Variants in MCTP2 observed in about 807,000 individuals in gnomAD.
The protein encoded by MCTP2 is multiple C2 and transmembrane domain-containing protein 2.
MCTP2 carries 132 observed loss-of-function variants against 111.6 expected under a neutral mutation model. The ratio of observed to expected loss-of-function variants is 1.18; its 90% CI spans 1.03 to 1.37. The LOEUF (loss-of-function observed/expected upper bound fraction) is 1.37, where lower values mean the gene tolerates loss of function less well. Ranked by LOEUF, MCTP2 falls within the 40% of genes most tolerant of loss-of-function variation. The pLI, the probability that MCTP2 is intolerant of heterozygous loss-of-function variation, is 0.00. For missense variants in MCTP2, 1,183 were observed against 1,067.9 expected (o/e 1.11, Z -1.50); for synonymous variants, 395 against 387.7 (o/e 1.02, Z -0.22).
intron 20 of MCTP2, among the ~76,000 whole-genome samples, chr15:94,460,891 G>A (rs1425185201): frequency 6.6e-6 from 1 of 152,234 alleles, no homozygotes; most frequent in Non-Finnish European, 1.5e-5. Flanking sequence ...GGGATGTCGT[G>A]TGTAATTCTG....
chr15:94,329,201 T>TTAC (rs1423860349), intron 4 of MCTP2, among the ~76,000 whole-genome samples: 1 of 152,164 alleles, frequency 6.6e-6, no homozygotes, highest in African/African-American at 2.4e-5. Flanking sequence ...TTTTGTAAAA[T>TTAC]TACTGTAGTT....
chr15:94,421,960 T>G (rs777300674), intron 17 of MCTP2, among the ~76,000 whole-genome samples: 6 of 152,148 alleles, frequency 3.9e-5, no homozygotes, highest in Non-Finnish European at 7.3e-5. Flanking sequence ...TAAAGCAAGC[T>G]CTGGTTTCTT....
chr15:94,311,017 T>A (rs2076104076), intron 2 of MCTP2, among the ~76,000 whole-genome samples: 1 of 101,900 alleles, frequency 9.8e-6, no homozygotes, highest in Non-Finnish European at 1.7e-5. Context: ...GGAACTTTCC[T>A]TTTTTTTTTT....
chr15:94,292,104 G>GA (rs1289546079), intron 1 of MCTP2, among the ~76,000 whole-genome samples: 1 of 152,132 alleles, frequency 6.6e-6, no homozygotes, highest in Non-Finnish European at 1.5e-5. Flanking sequence ...GACAAGAGTA[G>GA]AAATGTATGA....
At chr15:94,325,421 C>A (rs2076817756) in intron 4 of MCTP2, among the ~76,000 whole-genome samples, 1 of 152,134 alleles carries the variant, frequency 6.6e-6, no homozygotes, top group Admixed American at 6.5e-5. Context: ...ACAGGAATGA[C>A]TTTGTGATTT....
chr15:94,276,189 T>G (rs527750228), intron 1 of MCTP2, among the ~76,000 whole-genome samples: 1 of 152,182 alleles, frequency 6.6e-6, no homozygotes, highest in Non-Finnish European at 1.5e-5. Context: ...ATTAATTCTT[T>G]GTATTCTATG....
chr15:94,312,442 T>A (rs2076187637), intron 2 of MCTP2, among the ~76,000 whole-genome samples: 1 of 152,214 alleles, frequency 6.6e-6, no homozygotes. Flanking sequence ...GTAGCCTCTT[T>A]TCTTGTCTGT....
Position 94,442,907 on chromosome 15 carries a change from A to G in MCTP2, c.2209-12A>G. On this transcript the variant is annotated splice_polypyrimidine_tract_variant and intron_variant, in intron 18 of 22. Transcript: ENST00000357742. ...GTTGATGTTTCTATAAACACGTGGG[A>G]TTTCCTTTCAGGAGAGCACAGACAT... 1 of 1,612,626 alleles carries G rather than the reference A, an allele frequency of 6.2e-7. No homozygotes were observed. Among genetic ancestry groups the G allele is most frequent in the Non-Finnish European group, 8.5e-7 (1 of 1,179,052 alleles).
chr15:94,326,541 A>G (rs1381233692), intron 4 of MCTP2, among the ~76,000 whole-genome samples: 1 of 151,314 alleles, frequency 6.6e-6, no homozygotes, highest in African/African-American at 2.4e-5. Context: ...TTTGTTTCTC[A>G]CCTACCTTGT....
intron 2 of MCTP2, among the ~76,000 whole-genome samples, chr15:94,304,501 C>T (rs538434467): frequency 6.6e-6 from 1 of 152,302 alleles, no homozygotes; most frequent in Admixed American, 6.5e-5. Flanking sequence ...GCTCATTCTT[C>T]ATTTTTGTCA....
At chr15:94,283,980 A>G (rs2074625488) in intron 1 of MCTP2, among the ~76,000 whole-genome samples, 1 of 152,224 alleles carries the variant, frequency 6.6e-6, no homozygotes, top group Non-Finnish European at 1.5e-5. Context: ...TGGCAAATAT[A>G]TAGCTTGCAA....
intron 2 of MCTP2, among the ~76,000 whole-genome samples, chr15:94,302,796 C>T (rs766113954): frequency 5.9e-5 from 9 of 152,066 alleles, no homozygotes; most frequent in Non-Finnish European, 8.8e-5. Context: ...GGTCTTTTGT[C>T]GTCTCACATG....
intron 1 of MCTP2, among the ~76,000 whole-genome samples, chr15:94,264,375 G>A (rs533805182): frequency 3.3e-5 from 5 of 152,066 alleles, no homozygotes; most frequent in African/African-American, 7.2e-5. Flanking sequence ...TTGGGAGGCC[G>A]AGGCGGGTGG....
At chr15:94,258,763 C>G (rs1249282545) in intron 1 of MCTP2, among the ~76,000 whole-genome samples, 7 of 152,100 alleles carry the variant, frequency 4.6e-5, no homozygotes, top group Non-Finnish European at 8.8e-5. Flanking sequence ...TAGTTATTGC[C>G]TAAAGGGAGA....
intron 1 of MCTP2, among the ~76,000 whole-genome samples, chr15:94,243,834 T>C (rs553176715): frequency 1.1e-4 from 16 of 148,154 alleles, no homozygotes; most frequent in African/African-American, 3.9e-4. Context: ...CATATGTATA[T>C]ATTTATGTAC....
intron 1 of MCTP2, among the ~76,000 whole-genome samples, chr15:94,283,256 C>T (rs893082930): frequency 1.3e-5 from 2 of 152,146 alleles, no homozygotes; most frequent in African/African-American, 2.4e-5. Context: ...AGGTGGAACA[C>T]TCAGATCAGA....
At chr15:94,263,944 G>A (rs779021625) in intron 1 of MCTP2, among the ~76,000 whole-genome samples, 1 of 152,150 alleles carries the variant, frequency 6.6e-6, no homozygotes, top group Non-Finnish European at 1.5e-5. Flanking sequence ...CCTTTCTTCC[G>A]AAGAGCTTAG....
chr15:94,477,635 C>A (rs913804908), intron 22 of MCTP2, among the ~76,000 whole-genome samples: 1 of 152,244 alleles, frequency 6.6e-6, no homozygotes, highest in East Asian at 1.9e-4. Context: ...AATCAAATAT[C>A]GATTTTCATA....
At chr15:94,401,602 C>A (rs946388496) in intron 16 of MCTP2, among the ~76,000 whole-genome samples, 2 of 152,162 alleles carry the variant, frequency 1.3e-5, no homozygotes, top group Non-Finnish European at 2.9e-5. Flanking sequence ...CACAAATTCA[C>A]CAACATTAAA....
Sources: gnomAD v4.1 joint callset for allele counts (sites outside exome capture counted in the v4.1 genomes callset) on GRCh38, gnomAD v4.1.1 for gene constraint, MANE v1.5 for transcripts, NCBI Gene and HGNC (gene_info 2026-07-23, HGNC 2026-07-21) for gene names.